FSD1: variants seen among roughly 807,000 people sequenced by gnomAD.
FSD1 encodes the protein fibronectin type III and SPRY domain-containing protein 1.
Under a neutral mutation model 58.2 loss-of-function variants are expected in FSD1, and 23 were observed. The observed-to-expected ratio is 0.40, with a 90% CI of 0.28 to 0.56. The LOEUF (loss-of-function observed/expected upper bound fraction) is 0.56, where lower values mean the gene tolerates loss of function less well. Ranked by LOEUF, FSD1 falls within the 20% of genes least tolerant of loss-of-function variation. FSD1 has a pLI of 0.54. For synonymous variants in FSD1, 265 were observed against 263.4 expected (o/e 1.01, Z -0.06); for missense variants, 563 against 670.8 (o/e 0.84, Z 1.78).
intron 1 of FSD1, among the ~76,000 whole-genome samples, chr19:4,305,658 G>A (rs767419735): frequency 1.1e-4 from 17 of 152,142 alleles, no homozygotes; most frequent in African/African-American, 4.1e-4. Flanking sequence ...GTATCAGCCC[G>A]GAGCTTTACC....
At position 4,323,508 on chromosome 19, in the gene FSD1, C is replaced by T. The variant is rs1289832721; in HGVS notation, c.1381-25C>T. ...CGCTGGGGTTTGAAGCTGAGCCCCT[C>T]CCCCCTCCCCCCGCTGTCCCTCAGG... On this transcript the variant is annotated intron_variant, in intron 12 of 12. Coordinates refer to ENST00000221856, the MANE Select transcript of FSD1 (RefSeq NM_024333.3). The surrounding 1 kb of genome is among the most constrained non-coding windows in gnomAD (Gnocchi z 7.7). 1 of 899,164 alleles carries T rather than the reference C, an allele frequency of 1.1e-6. No homozygotes were observed. Among genetic ancestry groups the T allele is most frequent in the Non-Finnish European group, 1.9e-6 (1 of 533,210 alleles). 55.7% of individuals were successfully genotyped at this position (899,164 alleles called of 1,614,324 possible).
intron 7 of FSD1, among the ~76,000 whole-genome samples, chr19:4,312,612 G>A (rs530494799): frequency 6.6e-6 from 1 of 151,852 alleles, no homozygotes; most frequent in Non-Finnish European, 1.5e-5. Flanking sequence ...GACCATCCTG[G>A]CTAACACGGT....
At chr19:4,305,499 G>A (rs1020612536) in intron 1 of FSD1, among the ~76,000 whole-genome samples, 2 of 152,070 alleles carry the variant, frequency 1.3e-5, no homozygotes, top group African/African-American at 4.8e-5. Flanking sequence ...CCCACCTTCA[G>A]GATGTAGGTA....
intron 3 of FSD1, among the ~76,000 whole-genome samples, chr19:4,307,550 G>A (rs546264443): frequency 4.6e-5 from 7 of 152,124 alleles, no homozygotes; most frequent in African/African-American, 1.7e-4. Context: ...TCTATGTTTA[G>A]TGGAGACAGG....
rs1373883426 is a variant in FSD1, at chr19:4,323,424, G to T, written c.1368G>T (p.Leu456=). ...AGACCAGGTTCACACAGCCGCTGCT[G>T]CCTGCTTTCACGGTGAGCTGCCCTC... is the stretch of plus-strand genomic sequence containing the variant. ...TFKTRFTQPL[L]PAFTVWCGSF... The change falls in exon 12 of 13, where the codon CTG becomes CTT. Residue 456 remains leucine (L), a synonymous_variant. Coordinates refer to ENST00000221856, the MANE Select transcript of FSD1 (RefSeq NM_024333.3). The surrounding 1 kb of genome is among the most constrained non-coding windows in gnomAD (Gnocchi z 7.7). 1.1e-5 allele frequency: 17 copies of T among 1,613,716 alleles called. No homozygotes were observed. Among genetic ancestry groups the T allele is most frequent in the Non-Finnish European group, 1.4e-5 (16 of 1,179,736 alleles).
chr19:4,318,268 ACT>A lies in FSD1; in HGVS notation c.800-73_800-72del, dbSNP rs894586583. On this transcript the variant is annotated intron_variant, in intron 8 of 12. Coordinates refer to ENST00000221856, the MANE Select transcript of FSD1 (RefSeq NM_024333.3). ...GTCCCTGTCTTGGTCTGTCTTGGTC[ACT>A]CTCTGTCTCTCTGTCTCTCTCTGTG... 1.9e-6 allele frequency: 3 copies of A among 1,586,338 alleles called. No homozygotes were observed. The African/African-American group carries it at 4.1e-5, about 22-fold the overall frequency.
chr19:4,315,057 A>C (rs895720765), intron 7 of FSD1, among the ~76,000 whole-genome samples: 4 of 152,112 alleles, frequency 2.6e-5, no homozygotes, highest in Non-Finnish European at 5.9e-5. Context: ...TTTGCAATCC[A>C]CCTACTGTTT....
At position 4,323,040 on chromosome 19, in the gene FSD1, A is replaced by T; in HGVS notation, c.1094A>T (p.Asp365Val). 6.2e-7 allele frequency: 1 copy of T among 1,612,274 alleles called. No homozygotes were observed. The highest frequency in any genetic ancestry group is 1.1e-5 in the South Asian group (1 of 91,016). The stretch of plus-strand genomic sequence containing the variant: ...TACTGGGAGGTGCGCTACGAGCCGG[A>T]CAGCAAGGCGTTCGGCGTGGGCGTG... Reference protein sequence around the residue: ...EHYWEVRYEPDSKAFGVGVAY... With the variant: ...EHYWEVRYEPVSKAFGVGVAY... The change falls in exon 11 of 13, where the codon GAC becomes GTC. Residue 365 changes from aspartate to valine, a missense_variant. Coordinates refer to ENST00000221856, the MANE Select transcript of FSD1 (RefSeq NM_024333.3). The surrounding 1 kb of genome is among the most constrained non-coding windows in gnomAD (Gnocchi z 7.7).
chr19:4,317,995 C>T (rs1363521591), intron 8 of FSD1, among the ~76,000 whole-genome samples: 7 of 152,008 alleles, frequency 4.6e-5, no homozygotes, highest in African/African-American at 9.7e-5. Context: ...CCAGCCTGGG[C>T]GACAGAGCGA....
intron 8 of FSD1, among the ~76,000 whole-genome samples, chr19:4,317,578 T>C (rs1299581376): frequency 6.6e-6 from 1 of 152,246 alleles, no homozygotes; most frequent in African/African-American, 2.4e-5. Flanking sequence ...TAGTGAAGAC[T>C]GATTCCAGAG....
chr19:4,311,537 G>C (rs530342504), intron 6 of FSD1: 2 of 302,020 alleles, frequency 6.6e-6, no homozygotes, highest in Admixed American at 9.6e-5. Context: ...TAAAAAATTA[G>C]CCGGGCCATG....
intron 6 of FSD1, 149 bp downstream of exon 6, chr19:4,310,745 T>TG (rs1394426811): frequency 1.8e-5 from 16 of 878,738 alleles, no homozygotes; most frequent in Middle Eastern, 3.6e-4. Flanking sequence ...CCACGCCCTG[T>TG]GGGGGGTGGA....
chr19:4,317,104 G>A, intron 7 of FSD1, 78 bp from the exon 8 acceptor site: 1 of 840,726 alleles, frequency 1.2e-6, no homozygotes, highest in East Asian at 2.5e-5. Context: ...AATCACTGTG[G>A]GACATGACAG....
intron 2 of FSD1, 49 bp from the exon 3 acceptor site, chr19:4,306,149 T>A: frequency 6.2e-7 from 1 of 1,613,290 alleles, no homozygotes; most frequent in East Asian, 2.2e-5. Context: ...AGGTCTCAGG[T>A]TCCCTCTCTG....
chr19:4,304,905 C>G, intron 1 of FSD1, 144 bp downstream of exon 1: 1 of 420,368 alleles, frequency 2.4e-6, no homozygotes, highest in East Asian at 3.7e-5. Context: ...GCGACCCCGC[C>G]CGGATCTAGC....
In FSD1 at chr19:4,312,067, G is replaced by T; in HGVS notation, c.700+16G>T. On this transcript the variant is annotated intron_variant, in intron 7 of 12. Transcript: ENST00000221856. Reference sequence around the variant, plus strand: ...ACCCTGACAGGTAAGGGCAGTGTGTGCCAGCTCCGCCCAGCTGTGAACAGC... The same window carrying T: ...ACCCTGACAGGTAAGGGCAGTGTGTTCCAGCTCCGCCCAGCTGTGAACAGC... The T allele has an allele frequency of 6.3e-7, 1 of 1,582,842 alleles. No individual in the cohort carries two copies.
chr19:4,311,892 T>C lies in FSD1; in HGVS notation c.541T>C (p.Cys181Arg), dbSNP rs1971696287. 1 of 1,614,138 alleles carries C rather than the reference T, an allele frequency of 6.2e-7. No individual in the cohort carries two copies. The highest frequency in any genetic ancestry group is 2.2e-5 in the East Asian group (1 of 44,884). Residue 181 changes from cysteine (C) to arginine (R), a missense_variant, in exon 7 of 13, where the codon TGT (cysteine) becomes CGT (arginine). Physicochemically the swap from Cys to Arg is radical, Grantham distance 180. Coordinates refer to ENST00000221856, the MANE Select transcript of FSD1 (RefSeq NM_024333.3). ...DLAESLVADN[C>R]VTLVWRMPDE... ...GGCTGAGTCCCTGGTGGCAGATAAC[T>C]GTGTGACCCTGGTGTGGCGCATGCC... is the stretch of plus-strand genomic sequence containing the variant.
At chr19:4,316,253 G>A (rs973765763) in intron 7 of FSD1, among the ~76,000 whole-genome samples, 4 of 151,906 alleles carry the variant, frequency 2.6e-5, no homozygotes, top group African/African-American at 7.3e-5. Flanking sequence ...TCAGAGTTTC[G>A]CTCTGTCACC....
chr19:4,312,147 C>T (rs1045411907), intron 7 of FSD1, 96 bp downstream of exon 7: 10 of 1,113,646 alleles, frequency 9.0e-6, no homozygotes, highest in Non-Finnish European at 1.3e-5. Flanking sequence ...TGGGGACGAT[C>T]CCCAAAGCTC....
Sources: allele counts gnomAD v4.1 joint callset (sites outside exome capture counted in the v4.1 genomes callset), GRCh38; gene constraint gnomAD v4.1.1; non-coding constraint Gnocchi (gnomAD v3.1); transcripts MANE v1.5; gene names NCBI Gene and HGNC (gene_info 2026-07-23, HGNC 2026-07-21).